The following MAD1L1 variants were observed in gnomAD, a reference collection of about 807,000 sequenced individuals.
MAD1L1 encodes mitotic arrest deficient 1 like 1.
A neutral mutation model predicts 96.9 loss-of-function variants in MAD1L1; 95 were observed. That is an observed-to-expected ratio of 0.98 (90% confidence interval 0.83 to 1.16). The LOEUF is 1.16. Among genes scored for constraint, MAD1L1 ranks in the 50% most tolerant of loss-of-function variants. MAD1L1 has a pLI of 0.00. For missense variants in MAD1L1, 1,007 were observed against 954.4 expected (o/e 1.06, Z -0.73); for synonymous variants, 473 against 396.6 (o/e 1.19, Z -2.29).
chr7:2,029,463 G>T (rs1180618303), intron 12 of MAD1L1, among the ~76,000 whole-genome samples: 1 of 152,204 alleles, frequency 6.6e-6, no homozygotes. Flanking sequence ...CCCGACCGTG[G>T]AGCTGAGACA....
chr7:1,871,821 G>A (rs1350782265), intron 18 of MAD1L1, among the ~76,000 whole-genome samples: 3 of 152,156 alleles, frequency 2.0e-5, no homozygotes, highest in African/African-American at 7.2e-5. Context: ...GGCTTCCCCG[G>A]AGGGCCAGCA....
intron 8 of MAD1L1, 34 bp downstream of exon 8, chr7:2,216,123 C>T (rs369340941): frequency 1.2e-6 from 2 of 1,608,614 alleles, no homozygotes; most frequent in African/African-American, 1.3e-5. Flanking sequence ...CAGACTCACT[C>T]GAGGCGGCTG....
At chr7:1,825,439 G>C (rs1250686716) in intron 18 of MAD1L1, among the ~76,000 whole-genome samples, 1 of 152,254 alleles carries the variant, frequency 6.6e-6, no homozygotes, top group Non-Finnish European at 1.5e-5. Flanking sequence ...AGCCCAGCCA[G>C]CTGGTTGGGG....
intron 11 of MAD1L1, among the ~76,000 whole-genome samples, chr7:2,095,694 C>A (rs780734322): frequency 2.6e-4 from 40 of 152,316 alleles, no homozygotes; most frequent in Non-Finnish European, 4.4e-4. Flanking sequence ...CTGCCTACTG[C>A]GAGAGGGGCA....
At chr7:2,160,532 A>C (rs942292150) in intron 10 of MAD1L1, among the ~76,000 whole-genome samples, 1 of 142,948 alleles carries the variant, frequency 7.0e-6, no homozygotes. Flanking sequence ...ACGGGGTTTC[A>C]CTGTGTTAGC....
At chr7:1,977,984 G>A (rs1320080828) in intron 15 of MAD1L1, among the ~76,000 whole-genome samples, 1 of 152,232 alleles carries the variant, frequency 6.6e-6, no homozygotes. Context: ...AGACCACCCT[G>A]CCTCGCGTGG....
chr7:1,957,462 G>A (rs943853728), intron 16 of MAD1L1, among the ~76,000 whole-genome samples, 167 bp downstream of exon 16: 1 of 152,250 alleles, frequency 6.6e-6, no homozygotes, highest in Non-Finnish European at 1.5e-5. Context: ...CCTGTCAGCG[G>A]CATGGCCTCC....
At chr7:2,071,246 T>C (rs1785112533) in intron 11 of MAD1L1, among the ~76,000 whole-genome samples, 1 of 152,040 alleles carries the variant, frequency 6.6e-6, no homozygotes, top group African/African-American at 2.4e-5. Flanking sequence ...AAGTTGAAAG[T>C]GAATGTGAAT....
At chr7:1,937,170 C>T (rs1389863662) in intron 16 of MAD1L1, among the ~76,000 whole-genome samples, 1 of 152,210 alleles carries the variant, frequency 6.6e-6, no homozygotes, top group African/African-American at 2.4e-5. Flanking sequence ...TGAGAGGGGA[C>T]ATGCGGCCTT....
intron 10 of MAD1L1, among the ~76,000 whole-genome samples, chr7:2,161,384 G>C (rs181838392): frequency 1.2e-4 from 18 of 152,226 alleles, no homozygotes; most frequent in African/African-American, 4.3e-4. Context: ...CGGGATTGCA[G>C]ACGGAGTCTC....
chr7:2,064,857 C>G (rs1480045508), intron 12 of MAD1L1, among the ~76,000 whole-genome samples: 1 of 151,840 alleles, frequency 6.6e-6, no homozygotes, highest in Non-Finnish European at 1.5e-5. Flanking sequence ...AGGACAGTGT[C>G]TTCTCCCAAA....
chr7:1,884,343 G>A (rs934008327), intron 18 of MAD1L1, among the ~76,000 whole-genome samples: 1 of 152,190 alleles, frequency 6.6e-6, no homozygotes, highest in Non-Finnish European at 1.5e-5. Context: ...CGACCCACAT[G>A]TCCGGGCAGC....
chr7:1,882,505 T>C (rs1785747693), intron 18 of MAD1L1, among the ~76,000 whole-genome samples: 1 of 152,104 alleles, frequency 6.6e-6, no homozygotes, highest in African/African-American at 2.4e-5. Flanking sequence ...GCGCGGGCCG[T>C]GTTTGACGTT....
At chr7:2,204,833 C>T (rs1236865856) in intron 10 of MAD1L1, among the ~76,000 whole-genome samples, 2 of 152,186 alleles carry the variant, frequency 1.3e-5, no homozygotes, top group East Asian at 1.9e-4. Context: ...AGGGTCACAC[C>T]GTAAGTGTGT....
intron 11 of MAD1L1, among the ~76,000 whole-genome samples, chr7:2,095,802 G>A (rs1239113534): frequency 6.6e-6 from 1 of 152,260 alleles, no homozygotes; most frequent in Non-Finnish European, 1.5e-5. Flanking sequence ...TGTGGGTGCA[G>A]GCCGGACACC....
chr7:2,227,627 C>A (rs1793971143), intron 3 of MAD1L1, among the ~76,000 whole-genome samples: 1 of 152,200 alleles, frequency 6.6e-6, no homozygotes, highest in South Asian at 2.1e-4. Flanking sequence ...GTTTCTCTGT[C>A]CTCCCACCTG....
chr7:1,854,359 C>T, intron 18 of MAD1L1: 1 of 472,970 alleles, frequency 2.1e-6, no homozygotes, highest in Non-Finnish European at 4.2e-6. Context: ...GTGGGGGAAC[C>T]TACCCTGTGG....
At chr7:2,160,096 T>TGGGGA (rs1047939700) in intron 10 of MAD1L1, among the ~76,000 whole-genome samples, 7 of 151,862 alleles carry the variant, frequency 4.6e-5, no homozygotes, top group African/African-American at 1.4e-4. Context: ...CCAGGCCTGG[T>TGGGGA]GGGGAGTGCC....
chr7:1,951,729 G>A (rs533518395), intron 16 of MAD1L1, among the ~76,000 whole-genome samples: 3 of 152,240 alleles, frequency 2.0e-5, no homozygotes, highest in South Asian at 2.1e-4. Flanking sequence ...CCAGCTCAGC[G>A]TCCTCAGGTC....
Sources: gnomAD v4.1 joint callset for allele counts (sites outside exome capture counted in the v4.1 genomes callset) on GRCh38, gnomAD v4.1.1 for gene constraint, MANE v1.5 for transcripts, NCBI Gene and HGNC (gene_info 2026-07-23, HGNC 2026-07-21) for gene names.